Variants in FMN1 observed in about 807,000 individuals in gnomAD.
The protein encoded by FMN1 is formin 1.
Under a neutral mutation model 132.4 loss-of-function variants are expected in FMN1, and 110 were observed. That is an observed-to-expected ratio of 0.83 (90% CI 0.71 to 0.97). The LOEUF (loss-of-function observed/expected upper bound fraction) is 0.97, where lower values mean the gene tolerates loss of function less well. Ranked by LOEUF, FMN1 falls within the 50% of genes least tolerant of loss-of-function variation. The pLI, the probability that FMN1 is intolerant of heterozygous loss-of-function variation, is 0.00. For missense variants in FMN1, 1,792 were observed against 1,705.3 expected (o/e 1.05, Z -0.90); for synonymous variants, 722 against 651.7 (o/e 1.11, Z -1.64).
chr15:33,005,061 G>A (rs1049311027), intron 7 of FMN1, among the ~76,000 whole-genome samples: 4 of 152,074 alleles, frequency 2.6e-5, no homozygotes, highest in African/African-American at 9.7e-5. Flanking sequence ...AGCGGGGAGG[G>A]ATAGCATTAG....
chr15:33,140,755 T>C (rs1963976524), intron 4 of FMN1, among the ~76,000 whole-genome samples: 1 of 152,028 alleles, frequency 6.6e-6, no homozygotes, highest in Admixed American at 6.5e-5. Flanking sequence ...GAGAAGTTTA[T>C]CGTGGAAACA....
intron 10 of FMN1, among the ~76,000 whole-genome samples, chr15:32,918,750 T>C (rs1447270956): frequency 6.6e-6 from 1 of 152,216 alleles, no homozygotes; most frequent in Non-Finnish European, 1.5e-5. Flanking sequence ...CCATTAGTTC[T>C]GGTTCTTTTA....
chr15:33,056,514 G>C (rs1350308349), intron 6 of FMN1, among the ~76,000 whole-genome samples: 5 of 152,160 alleles, frequency 3.3e-5, no homozygotes, highest in African/African-American at 1.2e-4. Context: ...TGAACAGTAG[G>C]CCCCCTTTGA....
At chr15:32,798,569 T>C (rs112445116) in intron 19 of FMN1, among the ~76,000 whole-genome samples, 3,394 of 152,240 alleles carry the variant, frequency 0.022, 55 homozygotes, top group African/African-American at 0.045. Context: ...TAGCTAGTAA[T>C]TGGAAGGGGT....
chr15:32,966,882 CTT>C (rs537250088), intron 8 of FMN1, among the ~76,000 whole-genome samples: 30 of 152,304 alleles, frequency 2.0e-4, no homozygotes, highest in Middle Eastern at 3.4e-3. Flanking sequence ...TCCACAGGCT[CTT>C]TGAGTCATTT....
intron 9 of FMN1, among the ~76,000 whole-genome samples, chr15:32,943,727 A>G (rs1245841059): frequency 6.6e-6 from 1 of 152,214 alleles, no homozygotes; most frequent in Non-Finnish European, 1.5e-5. Context: ...TCTAAACTTT[A>G]GCTGCATTAG....
intron 17 of FMN1, among the ~76,000 whole-genome samples, chr15:32,810,417 C>T (rs2057833689): frequency 1.3e-5 from 2 of 152,166 alleles, no homozygotes; most frequent in Admixed American, 6.5e-5. Context: ...TGCTTTTAGA[C>T]TGATACATTA....
intron 4 of FMN1, chr15:33,150,523 C>T (rs1964400359): frequency 7.1e-6 from 7 of 985,342 alleles, no homozygotes; most frequent in Middle Eastern, 5.2e-4. Context: ...ACAAACCCAA[C>T]AGAAGGTGCA....
chr15:32,877,212 G>A (rs555647457), intron 16 of FMN1, among the ~76,000 whole-genome samples: 7 of 152,056 alleles, frequency 4.6e-5, no homozygotes, highest in Admixed American at 6.5e-5. Flanking sequence ...GTTTGAACCC[G>A]GGAGGCGGAA....
At chr15:33,101,540 T>C (rs2039294775) in intron 4 of FMN1, among the ~76,000 whole-genome samples, 1 of 152,130 alleles carries the variant, frequency 6.6e-6, no homozygotes, top group African/African-American at 2.4e-5. Context: ...TGCCCTGGGA[T>C]AGGAGTTGGA....
At chr15:33,027,721 G>A (rs755416494) in intron 6 of FMN1, among the ~76,000 whole-genome samples, 2 of 151,996 alleles carry the variant, frequency 1.3e-5, no homozygotes. Flanking sequence ...CAAAGTGAAC[G>A]GGATAAACAA....
At chr15:32,987,312 G>C (rs962223337) in intron 7 of FMN1, among the ~76,000 whole-genome samples, 23 of 152,132 alleles carry the variant, frequency 1.5e-4, no homozygotes, top group African/African-American at 5.6e-4. Flanking sequence ...TCAGTTACAA[G>C]AGATGACATG....
intron 16 of FMN1, among the ~76,000 whole-genome samples, chr15:32,874,025 T>TTTTG (rs1555481687): frequency 2.7e-5 from 4 of 149,242 alleles, no homozygotes; most frequent in Non-Finnish European, 4.5e-5. Context: ...TTGTTTTTTT[T>TTTTG]TTTTTTTTTT....
intron 10 of FMN1, among the ~76,000 whole-genome samples, chr15:32,911,747 AAAG>A (rs1162389562): frequency 6.6e-6 from 1 of 152,176 alleles, no homozygotes; most frequent in African/African-American, 2.4e-5. Flanking sequence ...AACAGAGAGA[AAAG>A]AGGAGGTTAA....
chr15:33,183,104 C>T (rs1163450493), intron 2 of FMN1, among the ~76,000 whole-genome samples: 1 of 152,176 alleles, frequency 6.6e-6, no homozygotes, highest in East Asian at 1.9e-4. Flanking sequence ...AGCTCACGTG[C>T]CTCTTTCCTC....
At position 32,944,141 on chromosome 15, in the gene FMN1, G is replaced by C. The variant is rs185478659; in HGVS notation, c.3139-17880C>G. On this transcript the variant is annotated intron_variant, in intron 9 of 20. Transcript: ENST00000616417. ...GGAAGGGCAGGACCACAGCCATCTTGCTTTCTCTCTTACGGGAGAATAACC... is the reference window on the plus strand; with the variant it reads ...GGAAGGGCAGGACCACAGCCATCTTCCTTTCTCTCTTACGGGAGAATAACC... 2.6e-5 allele frequency among the ~76,000 whole-genome samples: 4 copies of C among 152,306 alleles called. 1 individual carries two copies. The highest frequency in any genetic ancestry group is 1.3e-4 in the Admixed American group (2 of 15,298).
intron 6 of FMN1, among the ~76,000 whole-genome samples, chr15:33,049,920 C>T (rs779491480): frequency 2.0e-4 from 30 of 152,322 alleles, no homozygotes; most frequent in South Asian, 1.9e-3. Context: ...GCTCAATTCA[C>T]GAATTGTTTA....
intron 9 of FMN1, among the ~76,000 whole-genome samples, chr15:32,953,611 C>T (rs573049369): frequency 6.6e-6 from 1 of 152,242 alleles, no homozygotes; most frequent in East Asian, 1.9e-4. Context: ...CACTGGGGTC[C>T]AGCCAGACTA....
rs562374377 is a variant in FMN1 at position 33,034,146 on chromosome 15, A to G, written c.2162-26071T>C. On this transcript the variant is annotated intron_variant, in intron 6 of 20. Coordinates refer to ENST00000616417, the MANE Select transcript of FMN1 (RefSeq NM_001277313.2). Reference sequence around the variant, plus strand: ...AGCTCCGTTTCCCAATGCCACACTCATAAATCCAAATGTCTGCTCAACACT... The same window carrying G: ...AGCTCCGTTTCCCAATGCCACACTCGTAAATCCAAATGTCTGCTCAACACT... Among the ~76,000 whole-genome samples, 3 of 152,324 alleles carry G rather than the reference A, an allele frequency of 2.0e-5. No individual in the cohort carries two copies. The South Asian group carries it at 6.2e-4, about 32-fold the overall frequency.
Sources: gnomAD v4.1 joint callset for allele counts (sites outside exome capture counted in the v4.1 genomes callset) on GRCh38, gnomAD v4.1.1 for gene constraint, MANE v1.5 for transcripts, NCBI Gene and HGNC (gene_info 2026-07-23, HGNC 2026-07-21) for gene names.